Variants in GMCL1 observed in about 807,000 individuals in gnomAD.
GMCL1 encodes germ cell-less 1, spermatogenesis associated, also known as germ cell-less protein-like 1.
A neutral mutation model predicts 75.5 loss-of-function variants in GMCL1; 54 were observed. That is an observed-to-expected ratio of 0.71 (90% CI 0.57 to 0.90). The LOEUF is 0.90. GMCL1 is among the 40% of genes least tolerant of loss of function. The pLI, the probability that GMCL1 is intolerant of heterozygous loss-of-function variation, is 0.00. For synonymous variants in GMCL1, 210 were observed against 209.6 expected (o/e 1.00, Z -0.02); for missense variants, 537 against 622.7 (o/e 0.86, Z 1.47).
At chr2:69,837,783 C>T in intron 2 of GMCL1, 113 bp downstream of exon 2, 2 of 1,236,138 alleles carry the variant, frequency 1.6e-6, no homozygotes, top group Non-Finnish European at 2.2e-6. Context: ...TGGTTAAATC[C>T]TCTCATTTGA....
intron 6 of GMCL1, among the ~76,000 whole-genome samples, chr2:69,846,928 A>G (rs1164433084): frequency 3.3e-5 from 5 of 151,826 alleles, no homozygotes; most frequent in Non-Finnish European, 5.9e-5. Flanking sequence ...TCTTGGGCTC[A>G]AGCGATCCTT....
chr2:69,836,324 T>A (rs1674815964), intron 1 of GMCL1, among the ~76,000 whole-genome samples: 1 of 152,236 alleles, frequency 6.6e-6, no homozygotes, highest in Non-Finnish European at 1.5e-5. Context: ...TGTGGACTTA[T>A]TCCTTTTTTG....
chr2:69,868,854 G>A (rs1468916797), intron 11 of GMCL1, among the ~76,000 whole-genome samples: 2 of 150,720 alleles, frequency 1.3e-5, no homozygotes, highest in South Asian at 2.1e-4. Flanking sequence ...AGTGGCTCAC[G>A]CCTGTAATCC....
intron 13 of GMCL1, among the ~76,000 whole-genome samples, chr2:69,873,371 C>A (rs1292409958): frequency 6.6e-6 from 1 of 151,938 alleles, no homozygotes; most frequent in South Asian, 2.1e-4. Flanking sequence ...TAGATGTTGT[C>A]GAAAAAATAG....
chr2:69,838,091 T>C (rs2103951062), intron 2 of GMCL1, among the ~76,000 whole-genome samples: 1 of 152,134 alleles, frequency 6.6e-6, no homozygotes, highest in East Asian at 1.9e-4. Context: ...TCCTGAAAAA[T>C]GCAGGTAAAG....
intron 2 of GMCL1, 35 bp downstream of exon 2, chr2:69,837,705 C>A: frequency 6.3e-7 from 1 of 1,577,388 alleles, no homozygotes; most frequent in South Asian, 1.2e-5. Context: ...ACAGGGTAGT[C>A]ACTGAAACTC....
chr2:69,845,283 C>T lies in GMCL1; in HGVS notation c.758+1087C>T, dbSNP rs146104734. ...AGGTCCTGGAGATGGAGCCAGAGGT[C>T]CAAGATTTCTCCATCACCTGTGGAC... On this transcript the variant is annotated intron_variant, in intron 6 of 13. Coordinates refer to ENST00000282570, the MANE Select transcript of GMCL1 (RefSeq NM_178439.5). 3.6e-3 allele frequency among the ~76,000 whole-genome samples: 555 copies of T among 152,274 alleles called. 2 individuals carry two copies. The highest frequency in any genetic ancestry group is 5.8e-3 in the South Asian group (28 of 4,822).
intron 10 of GMCL1, among the ~76,000 whole-genome samples, chr2:69,862,073 G>A (rs1675670067): frequency 6.6e-6 from 1 of 152,036 alleles, no homozygotes; most frequent in African/African-American, 2.4e-5. Context: ...AAAAACATAT[G>A]ACTCCCCCCA....
intron 13 of GMCL1, among the ~76,000 whole-genome samples, chr2:69,872,854 G>A (rs902514747): frequency 3.3e-5 from 5 of 152,146 alleles, no homozygotes; most frequent in African/African-American, 1.2e-4. Flanking sequence ...GAAAAATACT[G>A]TCATGGCTCA....
Position 69,864,998 on chromosome 2 carries a change from AATATTCTT to A in GMCL1, c.1218+27_1218+34del, listed in dbSNP as rs760131924. 1.4e-3 allele frequency: 2,214 copies of A among 1,548,818 alleles called. 2 individuals carry two copies. The highest frequency in any genetic ancestry group is 1.9e-3 in the Middle Eastern group (11 of 5,940). On this transcript the variant is annotated intron_variant, in intron 11 of 13. Coordinates refer to ENST00000282570, the MANE Select transcript of GMCL1 (RefSeq NM_178439.5). ...GAAGTAAGTATGGGTTGTGACTGTT[AATATTCTT>A]ATACAAATTGTATTATCAGCACATC...
chr2:69,871,626 TAA>T, intron 12 of GMCL1, 117 bp from the exon 13 acceptor site: 1 of 578,976 alleles, frequency 1.7e-6, no homozygotes, highest in South Asian at 2.5e-5. Context: ...AAAGACTTCC[TAA>T]AAGTCTTTTA....
intron 12 of GMCL1, among the ~76,000 whole-genome samples, chr2:69,870,168 A>G (rs951383932): frequency 6.6e-5 from 10 of 151,346 alleles, no homozygotes; most frequent in Non-Finnish European, 2.9e-5. Flanking sequence ...ATATGTAGCA[A>G]GGTATGTTTC....
chr2:69,841,565 G>A (rs1321657560), intron 4 of GMCL1, among the ~76,000 whole-genome samples: 2 of 152,306 alleles, frequency 1.3e-5, no homozygotes, highest in Middle Eastern at 3.4e-3. Flanking sequence ...AACTTAAGAC[G>A]TAATCCTTAC....
intron 2 of GMCL1, among the ~76,000 whole-genome samples, chr2:69,838,634 AATTT>A (rs1674893712): frequency 6.6e-6 from 1 of 152,178 alleles, no homozygotes; most frequent in Admixed American, 6.5e-5. Flanking sequence ...TTTTGAAACA[AATTT>A]ATTTTGGCTT....
intron 1 of GMCL1, among the ~76,000 whole-genome samples, chr2:69,830,528 C>T (rs1194902157): frequency 1.3e-5 from 2 of 152,200 alleles, no homozygotes; most frequent in African/African-American, 4.8e-5. Context: ...ATCCGGTTGC[C>T]TTAGTACAGA....
chr2:69,849,906 C>T (rs1240275320), intron 8 of GMCL1, among the ~76,000 whole-genome samples, 164 bp downstream of exon 8: 3 of 152,152 alleles, frequency 2.0e-5, no homozygotes, highest in Admixed American at 2.0e-4. Context: ...CAATTATCTA[C>T]TTCACCCCTC....
At chr2:69,870,107 A>G (rs1005173069) in intron 12 of GMCL1, among the ~76,000 whole-genome samples, 1 of 149,962 alleles carries the variant, frequency 6.7e-6, no homozygotes, top group Non-Finnish European at 1.5e-5. Flanking sequence ...TCAGCCTTGA[A>G]GTCGTTGCCT....
intron 13 of GMCL1, among the ~76,000 whole-genome samples, chr2:69,878,371 T>C (rs1316950065): frequency 1.3e-5 from 2 of 152,134 alleles, no homozygotes; most frequent in Admixed American, 1.3e-4. Flanking sequence ...CAGTGGCACC[T>C]GCCTGTAGTC....
intron 11 of GMCL1, among the ~76,000 whole-genome samples, chr2:69,868,882 G>A (rs1451007424): frequency 1.3e-5 from 2 of 151,066 alleles, no homozygotes; most frequent in African/African-American, 4.9e-5. Context: ...TTGGGAGGCC[G>A]AGGCGTGTGG....
Sources: allele counts gnomAD v4.1 joint callset (sites outside exome capture counted in the v4.1 genomes callset), GRCh38; gene constraint gnomAD v4.1.1; transcripts MANE v1.5; gene names NCBI Gene and HGNC (gene_info 2026-07-23, HGNC 2026-07-21).